The following SERINC2 variants were observed in gnomAD, a reference collection of about 807,000 sequenced individuals.
SERINC2 encodes tumor differentially expressed protein 2.
Under a neutral mutation model 54.2 loss-of-function variants are expected in SERINC2, and 56 were observed. That is an observed-to-expected ratio of 1.03 (90% confidence interval 0.83 to 1.29). SERINC2 has a LOEUF of 1.29. Ranked by LOEUF, SERINC2 falls within the 50% of genes most tolerant of loss-of-function variation. SERINC2 has a pLI of 0.00. For missense variants in SERINC2, 614 were observed against 607.4 expected (o/e 1.01, Z -0.12); for synonymous variants, 272 against 253.1 (o/e 1.07, Z -0.71).
intron 8 of SERINC2, among the ~76,000 whole-genome samples, chr1:31,432,023 GGGTGGACAGGGTGGACAGGGTGGAC>G (rs1641261824): frequency 7.9e-6 from 1 of 127,322 alleles, no homozygotes; most frequent in Non-Finnish European, 1.7e-5. Flanking sequence ...AGGGTGGACA[GGGTGGACAGGGTGGACAGGGTGGAC>G]AGGGTGGACA....
At chr1:31,415,951 G>C (rs868906326) in intron 1 of SERINC2, 33 of 980,788 alleles carry the variant, frequency 3.4e-5, no homozygotes, top group Non-Finnish European at 3.6e-5. Context: ...GTCCACAGGG[G>C]ATGGGGCCAC....
chr1:31,423,616 G>A, intron 1 of SERINC2, 77 bp from the exon 2 acceptor site: 2 of 1,459,172 alleles, frequency 1.4e-6, no homozygotes, highest in East Asian at 2.4e-5. Flanking sequence ...CAGATGCGCC[G>A]ACCTCTGGGC....
chr1:31,410,275 T>C, upstream of SERINC2: 3 of 1,499,516 alleles, frequency 2.0e-6, no homozygotes, highest in South Asian at 4.1e-5. Flanking sequence ...TAAAGGCTGA[T>C]GGGCTGGCCA....
chr1:31,432,458 G>A (rs376328149), intron 8 of SERINC2, among the ~76,000 whole-genome samples: 6 of 151,992 alleles, frequency 3.9e-5, no homozygotes, highest in Non-Finnish European at 8.8e-5. Flanking sequence ...AGGAAAGGGA[G>A]GCCATTGGTA....
At chr1:31,415,528 C>G (rs1553132107) in intron 1 of SERINC2, among the ~76,000 whole-genome samples, 1 of 152,218 alleles carries the variant, frequency 6.6e-6, no homozygotes, top group Admixed American at 6.5e-5. Flanking sequence ...AGGCCCCATA[C>G]AGTAGTGAGC....
chr1:31,434,244 CCT>C lies in SERINC2; in HGVS notation c.*49_*50del. ...ATCTGGTGCCTCCTGCCACCTGGTGCCTCTCGGCTCAGTGACAGCCAACCTGC... is the reference window on the plus strand; with the variant it reads ...ATCTGGTGCCTCCTGCCACCTGGTGCCTCGGCTCAGTGACAGCCAACCTGC... On this transcript the variant is annotated 3_prime_UTR_variant, in exon 10 of 10. Coordinates refer to ENST00000373709, the MANE Select transcript of SERINC2 (RefSeq NM_178865.5). 3.1e-6 allele frequency: 5 copies of C among 1,589,742 alleles called. No homozygotes were observed. Among genetic ancestry groups the C allele is most frequent in the Non-Finnish European group, 4.3e-6 (5 of 1,168,994 alleles).
chr1:31,426,976 G>T (rs1641063205), intron 6 of SERINC2, among the ~76,000 whole-genome samples, 153 bp downstream of exon 6: 1 of 152,100 alleles, frequency 6.6e-6, no homozygotes, highest in South Asian at 2.1e-4. Context: ...TTATAGTCAG[G>T]CTCTCACGGC....
chr1:31,412,203 AC>A (rs1640662441), upstream of SERINC2, among the ~76,000 whole-genome samples: 1 of 152,124 alleles, frequency 6.6e-6, no homozygotes, highest in African/African-American at 2.4e-5. Flanking sequence ...TCTTTCCCTA[AC>A]ATTATCTTGT....
intron 8 of SERINC2, among the ~76,000 whole-genome samples, chr1:31,430,319 GC>G (rs1282401206): frequency 2.0e-5 from 3 of 151,232 alleles, no homozygotes; most frequent in Non-Finnish European, 4.4e-5. Context: ...ATTGAGACCA[GC>G]CTGGGCAACA....
rs1161020388 is a variant in SERINC2 at position 31,434,528 on chromosome 1, G to C, written c.*329G>C. 11 of 327,030 alleles carry C rather than the reference G, an allele frequency of 3.4e-5. No individual in the cohort carries two copies. Among genetic ancestry groups the C allele is most frequent in the Non-Finnish European group, 6.3e-5 (11 of 175,746 alleles). The allele number at this position is 327,030 out of a possible 1,614,324, so 20.3% of individuals were successfully genotyped here. On this transcript the variant is annotated 3_prime_UTR_variant, in exon 10 of 10. Transcript: ENST00000373709. ...TCCACGGGAGCGGGGCTGCTGGAGA[G>C]AGCGGGGAACTCCCACCACAGTGGG...
chr1:31,424,873 G>C lies in SERINC2; in HGVS notation c.392G>C (p.Gly131Ala). Residue 131 changes from glycine to alanine, a missense_variant and splice_region_variant, in exon 3 of 10, where the codon GGG becomes GCG. Gly to Ala is a moderately conservative substitution (Grantham distance 60). Coordinates refer to ENST00000373709, the MANE Select transcript of SERINC2 (RefSeq NM_178865.5). ...GACCCCCGGGCTGCCATCCAGAATG[G>C]GTGAGAGAGGGGTCCCTGCCTGCAC... is the stretch of plus-strand genomic sequence containing the variant. ...SRDPRAAIQNGFWFFKFLILV... is the reference protein window; with the variant it reads ...SRDPRAAIQNAFWFFKFLILV... 6.2e-7 allele frequency: 1 copy of C among 1,609,124 alleles called. No individual in the cohort carries two copies. Among genetic ancestry groups the C allele is most frequent in the Non-Finnish European group, 8.5e-7 (1 of 1,178,410 alleles).
At chr1:31,432,897 A>C in intron 8 of SERINC2, 70 bp from the exon 9 acceptor site, 1 of 1,264,384 alleles carries the variant, frequency 7.9e-7, no homozygotes, top group Non-Finnish European at 1.1e-6. Context: ...AGGCTCTGGG[A>C]CCATTTGTGT....
In SERINC2 at chr1:31,426,799, C is replaced by T. The variant is rs782055941; in HGVS notation, c.756C>T (p.Ile252=). Residue 252 remains isoleucine, a synonymous_variant, in exon 6 of 10, where the codon ATC becomes ATT. Coordinates refer to ENST00000373709, the MANE Select transcript of SERINC2 (RefSeq NM_178865.5). ...LNLTFCVCVS[I]AAVLPKVQDA... Reference sequence around the variant, plus strand: ...TCACCTTCTGTGTCTGCGTGTCCATCGCTGCTGTCCTGCCCAAGGTCCAGG... The same window carrying T: ...TCACCTTCTGTGTCTGCGTGTCCATTGCTGCTGTCCTGCCCAAGGTCCAGG... 2.2e-5 allele frequency: 36 copies of T among 1,614,008 alleles called. 1 individual carries two copies. The highest frequency in any genetic ancestry group is 2.0e-4 in the South Asian group (18 of 91,084).
rs1641049862 is a variant in SERINC2, at chr1:31,426,656, C to T, written c.613C>T (p.Leu205Phe). ...ECDSRAWYAG[L>F]FFFTLLFYLL... ...CTCTCACTACCCCTCTGGCCCAGGC[C>T]TCTTCTTCTTCACTCTCCTCTTCTA... is the stretch of plus-strand genomic sequence containing the variant. Residue 205 changes from leucine to phenylalanine, a missense_variant and splice_region_variant, in exon 6 of 10, where the codon CTC becomes TTC. Transcript: ENST00000373709. The T allele has an allele frequency of 6.2e-7, 1 of 1,606,318 alleles. No homozygotes were observed. Among genetic ancestry groups the T allele is most frequent in the Admixed American group, 1.7e-5 (1 of 59,788 alleles).
chr1:31,410,842 T>C (rs1054099702), upstream of SERINC2, among the ~76,000 whole-genome samples: 3 of 151,616 alleles, frequency 2.0e-5, no homozygotes, highest in African/African-American at 7.3e-5. Context: ...TAGGGAGGGG[T>C]TGGGGGTGAA....
chr1:31,410,568 C>T (rs1041775470), upstream of SERINC2: 3 of 1,248,718 alleles, frequency 2.4e-6, no homozygotes, highest in East Asian at 2.6e-5. Flanking sequence ...GTGGCTATCC[C>T]TTTACACATA....
chr1:31,434,262 G>T lies in SERINC2; in HGVS notation c.*63G>T, dbSNP rs554706001. The T allele has an allele frequency of 6.5e-7, 1 of 1,528,046 alleles. No homozygotes were observed. The highest frequency in any genetic ancestry group is 1.4e-5 in the African/African-American group (1 of 73,926). 94.7% of individuals were successfully genotyped at this position (1,528,046 alleles called of 1,614,324 possible). ...CCTGGTGCCTCTCGGCTCAGTGACA[G>T]CCAACCTGCCCCCTCCCCACACCAA... On this transcript the variant is annotated 3_prime_UTR_variant, in exon 10 of 10. Transcript: ENST00000373709.
upstream of SERINC2, among the ~76,000 whole-genome samples, chr1:31,411,373 G>A (rs1001903614): frequency 1.1e-4 from 17 of 152,174 alleles, no homozygotes; most frequent in African/African-American, 4.1e-4. Flanking sequence ...ACGTTTATTC[G>A]ACGCTTGATT....
At position 31,413,924 on chromosome 1, in the gene SERINC2, C is replaced by T. The variant is rs879960290; in HGVS notation, c.39+620C>T. ...GTCCGTCCCTCAGTCTCTCTGCGGT[C>T]CCTTTACCGTCCTCAGTCTGGCTCG... On this transcript the variant is annotated intron_variant, in intron 1 of 9. Coordinates refer to ENST00000373709, the MANE Select transcript of SERINC2 (RefSeq NM_178865.5). The surrounding 1 kb of genome is among the most constrained non-coding windows in gnomAD (Gnocchi z 5.0). The T allele has an allele frequency of 1.4e-5, 21 of 1,513,582 alleles. 1 individual carries two copies. The highest frequency in any genetic ancestry group is 3.4e-4 in the Middle Eastern group (2 of 5,804). 93.8% of individuals were successfully genotyped at this position (1,513,582 alleles called of 1,614,324 possible).
Sources: gnomAD v4.1 joint callset for allele counts (sites outside exome capture counted in the v4.1 genomes callset) on GRCh38, gnomAD v4.1.1 for gene constraint, Gnocchi (gnomAD v3.1) non-coding constraint, MANE v1.5 for transcripts, NCBI Gene and HGNC (gene_info 2026-07-23, HGNC 2026-07-21) for gene names.